DNAJB14: variants seen among roughly 807,000 people sequenced by gnomAD.
DNAJB14 encodes dnaJ homolog subfamily B member 14.
Under a neutral mutation model 48.4 loss-of-function variants are expected in DNAJB14, and 22 were observed. The observed-to-expected ratio is 0.45, with a 90% CI of 0.32 to 0.65. DNAJB14 has a LOEUF of 0.65. Ranked by LOEUF, DNAJB14 falls within the 30% of genes least tolerant of loss-of-function variation. The pLI is 0.03. For missense variants in DNAJB14, 319 were observed against 458.8 expected, an observed-to-expected ratio of 0.70 and a Z score of 2.78; for synonymous variants, 142 against 158.7, an observed-to-expected ratio of 0.89 and a Z score of 0.79.
At chr4:99,941,174 A>C (rs1726878340) in intron 1 of DNAJB14, among the ~76,000 whole-genome samples, 1 of 152,182 alleles carries the variant, frequency 6.6e-6, no homozygotes, top group Non-Finnish European at 1.5e-5. Flanking sequence ...GGGAGTAAAA[A>C]AGATAATTAA....
intron 1 of DNAJB14, among the ~76,000 whole-genome samples, chr4:99,932,021 C>T (rs139532847): frequency 2.8e-4 from 43 of 152,102 alleles, no homozygotes; most frequent in African/African-American, 9.9e-4. Flanking sequence ...CAAAAATTAA[C>T]TCGGAATGGA....
chr4:99,923,540 T>G, intron 2 of DNAJB14: 1 of 415,218 alleles, frequency 2.4e-6, no homozygotes. Flanking sequence ...TGTAAGTGGA[T>G]AAATAAATTC....
intron 2 of DNAJB14, chr4:99,927,536 TGTAAA>T (rs1020830036): frequency 2.0e-5 from 3 of 152,202 alleles, no homozygotes; most frequent in Non-Finnish European, 4.4e-5. Context: ...ACACTGATCT[TGTAAA>T]GTTTTAAAGT....
At chr4:99,927,508 A>T (rs1726299630) in intron 2 of DNAJB14, 1 of 152,118 alleles carries the variant, frequency 6.6e-6, no homozygotes, top group Non-Finnish European at 1.5e-5. Flanking sequence ...ATACAATGAT[A>T]CTCCAGTTAA....
intron 4 of DNAJB14, among the ~76,000 whole-genome samples, chr4:99,907,534 C>A (rs1307996954): frequency 1.3e-5 from 2 of 151,764 alleles, no homozygotes; most frequent in African/African-American, 4.8e-5. Context: ...AAAAAATTAG[C>A]CAGACATGTG....
chr4:99,930,049 C>T (rs1726404950), intron 2 of DNAJB14: 1 of 153,148 alleles, frequency 6.5e-6, no homozygotes, highest in Non-Finnish European at 1.5e-5. Context: ...AAAAATCCTT[C>T]ACTAATATAA....
intron 1 of DNAJB14, among the ~76,000 whole-genome samples, chr4:99,940,256 TTTTA>T (rs1726841790): frequency 6.6e-6 from 1 of 152,190 alleles, no homozygotes; most frequent in South Asian, 2.1e-4. Flanking sequence ...TACAAATAGC[TTTTA>T]TTTGTGTGAT....
Position 99,943,048 on chromosome 4 carries a change from T to C in DNAJB14, c.133+3391A>G, listed in dbSNP as rs942688559. 2.0e-5 allele frequency among the ~76,000 whole-genome samples: 3 copies of C among 152,184 alleles called. No individual in the cohort carries two copies. The South Asian group carries it at 6.2e-4, about 31-fold the overall frequency. On this transcript the variant is annotated intron_variant, in intron 1 of 7. Transcript: ENST00000442697. ...TAGATCTTTCTCTCTCCTGAATTCTTAAATTGTACCAATAAACATCTTCTA... is the reference window on the plus strand; with the variant it reads ...TAGATCTTTCTCTCTCCTGAATTCTCAAATTGTACCAATAAACATCTTCTA...
At chr4:99,907,296 A>T (rs1221849126) in intron 4 of DNAJB14, among the ~76,000 whole-genome samples, 1 of 152,156 alleles carries the variant, frequency 6.6e-6, no homozygotes, top group East Asian at 1.9e-4. Flanking sequence ...ACATGTCAAA[A>T]CACAGGTTAT....
In DNAJB14 at chr4:99,946,488, C is replaced by T. The variant is rs753000403; in HGVS notation, c.84G>A (p.Gln28=). Residue 28 remains glutamine (Q), a synonymous_variant, in exon 1 of 8, where the codon CAG becomes CAA. Coordinates refer to ENST00000442697, the MANE Select transcript of DNAJB14 (RefSeq NM_001031723.4). ...ALNAGNREKA[Q]RFLQKAEKLY... is the part of the protein sequence containing the mutation. ...GCTTCTCGGCCTTCTGCAGGAAGCG[C>T]TGGGCCTTCTCGCGGTTGCCGGCGT... is the stretch of plus-strand genomic sequence containing the variant. 6.2e-7 allele frequency: 1 copy of T among 1,613,758 alleles called. No individual in the cohort carries two copies. Among genetic ancestry groups the T allele is most frequent in the South Asian group, 1.1e-5 (1 of 91,072 alleles).
At chr4:99,946,376 C>A in intron 1 of DNAJB14, 63 bp downstream of exon 1, 1 of 1,553,550 alleles carries the variant, frequency 6.4e-7, no homozygotes, top group South Asian at 1.2e-5. Flanking sequence ...GAGGTGGGGG[C>A]AGGGGCGGGC....
At chr4:99,934,289 A>G (rs1005375135) in intron 1 of DNAJB14, among the ~76,000 whole-genome samples, 1 of 152,212 alleles carries the variant, frequency 6.6e-6, no homozygotes, top group African/African-American at 2.4e-5. Flanking sequence ...CCAGCACATA[A>G]AAATGAGTAA....
At chr4:99,937,052 CACGCCTGTAATCCCAGA>C (rs1441270790) in intron 1 of DNAJB14, among the ~76,000 whole-genome samples, 1 of 152,202 alleles carries the variant, frequency 6.6e-6, no homozygotes, top group African/African-American at 2.4e-5. Flanking sequence ...CGCAGTGGCT[CACGCCTGTAATCCCAGA>C]ACTTTGGGAG....
intron 1 of DNAJB14, among the ~76,000 whole-genome samples, chr4:99,940,949 A>AT (rs1289628604): frequency 1.1e-4 from 16 of 150,768 alleles, no homozygotes; most frequent in African/African-American, 3.6e-4. Flanking sequence ...ATATATATAT[A>AT]TATTTTTTTT....
chr4:99,902,095 C>T (rs1725312752), intron 7 of DNAJB14, among the ~76,000 whole-genome samples: 1 of 152,144 alleles, frequency 6.6e-6, no homozygotes, highest in South Asian at 2.1e-4. Context: ...TTACAGATGA[C>T]TCTTCCCAAA....
intron 3 of DNAJB14, among the ~76,000 whole-genome samples, chr4:99,912,667 T>G (rs1455158949): frequency 2.0e-5 from 3 of 152,102 alleles, no homozygotes; most frequent in African/African-American, 4.8e-5. Context: ...TTAGTAGAGA[T>G]GGGGTTTCTC....
chr4:99,908,511 A>C (rs1020074483), intron 4 of DNAJB14, among the ~76,000 whole-genome samples, 200 bp downstream of exon 4: 1 of 152,068 alleles, frequency 6.6e-6, no homozygotes, highest in Non-Finnish European at 1.5e-5. Flanking sequence ...TTTAAATTAA[A>C]ATATGTTCTA....
At chr4:99,938,136 C>T (rs1176650111) in intron 1 of DNAJB14, among the ~76,000 whole-genome samples, 2 of 115,378 alleles carry the variant, frequency 1.7e-5, no homozygotes, top group African/African-American at 3.4e-5. Context: ...AATAGCTGGG[C>T]GTCGTGGTGC....
At chr4:99,921,105 G>A (rs549089521) in intron 3 of DNAJB14, among the ~76,000 whole-genome samples, 8 of 152,330 alleles carry the variant, frequency 5.3e-5, no homozygotes, top group African/African-American at 1.9e-4. Flanking sequence ...TACTCGCCAA[G>A]CGTGTGTGGA....
Sources: gnomAD v4.1 joint callset for allele counts (sites outside exome capture counted in the v4.1 genomes callset) on GRCh38, gnomAD v4.1.1 for gene constraint, MANE v1.5 for transcripts, NCBI Gene and HGNC (gene_info 2026-07-23, HGNC 2026-07-21) for gene names.